The following CHRDL1 variants were observed in gnomAD, a reference collection of about 807,000 sequenced individuals.
CHRDL1 encodes the protein chordin like 1, also known as chordin-like protein 1.
A neutral mutation model predicts 40.9 loss-of-function variants in CHRDL1; 19 were observed. The observed-to-expected ratio is 0.46, with a 90% CI of 0.32 to 0.68. The LOEUF is 0.68. Among genes scored for constraint, CHRDL1 ranks in the 30% least tolerant of loss-of-function variants. The probability of loss-of-function intolerance (pLI) is 0.03; values close to 1 mark genes in which losing one functional copy is unlikely to be tolerated. For missense variants in CHRDL1, 329 were observed against 352.1 expected (o/e 0.93, Z 0.53); for synonymous variants, 136 against 123.4 (o/e 1.10, Z -0.68).
intron 7 of CHRDL1, among the ~76,000 whole-genome samples, chrX:110,697,695 G>A (rs1239153932): frequency 2.8e-5 from 3 of 108,220 alleles, no homozygotes; most frequent in Non-Finnish European, 5.7e-5. Context: ...AAATTTCAAC[G>A]TAATCTACAG....
intron 2 of CHRDL1, among the ~76,000 whole-genome samples, chrX:110,771,759 G>A (rs1009676311): frequency 1.8e-5 from 2 of 111,305 alleles, no homozygotes; most frequent in Admixed American, 9.6e-5. Context: ...CCTAAGATCA[G>A]GAATTATACA....
intron 6 of CHRDL1, among the ~76,000 whole-genome samples, chrX:110,714,091 G>A (rs1163312541): frequency 9.1e-6 from 1 of 110,258 alleles, no homozygotes. Context: ...ACCTATGAAA[G>A]TCTGTTACAT....
At chrX:110,685,804 C>A (rs895351276) in intron 9 of CHRDL1, among the ~76,000 whole-genome samples, 1 of 109,964 alleles carries the variant, frequency 9.1e-6, no homozygotes, top group Non-Finnish European at 1.9e-5. Flanking sequence ...AACAGCATTG[C>A]AGCAAAAATT....
At position 110,674,690 on chromosome X, in the gene CHRDL1, C is replaced by T. The variant is rs1364724722; in HGVS notation, c.*1541G>A. 1.8e-5 allele frequency: 2 copies of T among 112,189 alleles called. No individual in the cohort carries two copies. Among genetic ancestry groups the T allele is most frequent in the African/African-American group, 6.5e-5 (2 of 30,883 alleles). 9.2% of individuals were successfully genotyped at this position (112,189 alleles called of 1,213,427 possible). A position where few individuals can be genotyped will look rare whatever the true frequency, so the allele number is the denominator to read the frequency against. ...AAGACTGAACATTTTACATTTTCCCCTATTGGTATCAAACCCTCTTAGGAA... is the reference window on the plus strand; with the variant it reads ...AAGACTGAACATTTTACATTTTCCCTTATTGGTATCAAACCCTCTTAGGAA... On this transcript the variant is annotated 3_prime_UTR_variant, in exon 12 of 12. Transcript: ENST00000372042.
intron 4 of CHRDL1, among the ~76,000 whole-genome samples, chrX:110,725,463 T>A (rs191569396): frequency 9.0e-6 from 1 of 111,244 alleles, no homozygotes; most frequent in African/African-American, 3.3e-5. Context: ...GCCTTTTTTT[T>A]TTTGTCCTTC....
At chrX:110,766,023 T>C (rs2089654108) in intron 2 of CHRDL1, among the ~76,000 whole-genome samples, 1 of 111,458 alleles carries the variant, frequency 9.0e-6, no homozygotes. Flanking sequence ...GGAATAAAAC[T>C]GGAAATCAAC....
intron 2 of CHRDL1, among the ~76,000 whole-genome samples, chrX:110,765,261 C>T (rs1033113664): frequency 9.0e-6 from 1 of 111,657 alleles, no homozygotes; most frequent in Non-Finnish European, 1.9e-5. Context: ...GATTTCACCC[C>T]CAGCGGCCCA....
Position 110,703,969 on chromosome X carries a change from G to T in CHRDL1, c.542-3248C>A, listed in dbSNP as rs777163578. Among the ~76,000 whole-genome samples, 9 of 111,409 alleles carry T rather than the reference G, an allele frequency of 8.1e-5. 1 individual carries two copies. The South Asian group carries it at 3.4e-3, about 42-fold the overall frequency. On this transcript the variant is annotated intron_variant, in intron 6 of 11. Coordinates refer to ENST00000372042, the MANE Select transcript of CHRDL1 (RefSeq NM_001143981.2). The stretch of plus-strand genomic sequence containing the variant: ...GGTAATTGAACTTGTAGAGAGAAAG[G>T]GAGGAGAGGGAGAGCGAAGGAGGGA...
At chrX:110,678,325 C>G (rs914969128) in intron 11 of CHRDL1, among the ~76,000 whole-genome samples, 5 of 111,968 alleles carry the variant, frequency 4.5e-5, no homozygotes, top group Admixed American at 9.5e-5. Flanking sequence ...GCAGCAACTA[C>G]AGATGCTACT....
chrX:110,749,474 C>T (rs189886), intron 4 of CHRDL1, among the ~76,000 whole-genome samples: 163 of 111,880 alleles, frequency 1.5e-3, no homozygotes, highest in African/African-American at 5.1e-3. Context: ...GAGCATAACT[C>T]TAGAAAACAC....
intron 2 of CHRDL1, among the ~76,000 whole-genome samples, chrX:110,791,334 A>C (rs928589571): frequency 2.7e-5 from 3 of 111,759 alleles, no homozygotes; most frequent in Non-Finnish European, 5.6e-5. Flanking sequence ...TGGCCCAAAG[A>C]AGGTAAGACC....
At chrX:110,708,094 A>T (rs748044180) in intron 6 of CHRDL1, among the ~76,000 whole-genome samples, 4 of 111,449 alleles carry the variant, frequency 3.6e-5, no homozygotes, top group Admixed American at 9.5e-5. Context: ...CCACAATGAG[A>T]TACCATCTCA....
chrX:110,731,257 T>C (rs1051426592), intron 4 of CHRDL1, among the ~76,000 whole-genome samples: 28 of 111,681 alleles, frequency 2.5e-4, no homozygotes, highest in African/African-American at 5.5e-4. Context: ...AAAGGCGCTA[T>C]TGGGGGGAAT....
intron 7 of CHRDL1, among the ~76,000 whole-genome samples, chrX:110,697,214 C>A (rs1323087307): frequency 1.8e-5 from 2 of 110,501 alleles, no homozygotes; most frequent in African/African-American, 6.6e-5. Context: ...TAAAACAGTT[C>A]TTTTCCAGTG....
At position 110,675,338 on chromosome X, in the gene CHRDL1, G is replaced by A. The variant is rs2069750939; in HGVS notation, c.*893C>T. On this transcript the variant is annotated 3_prime_UTR_variant, in exon 12 of 12. Coordinates refer to ENST00000372042, the MANE Select transcript of CHRDL1 (RefSeq NM_001143981.2). ...CTTCAACAATTATTTTTTCTTACATGGATTCAGTTTCTGATGATTTTACTC... is the reference window on the plus strand; with the variant it reads ...CTTCAACAATTATTTTTTCTTACATAGATTCAGTTTCTGATGATTTTACTC... 9.0e-6 allele frequency: 1 copy of A among 111,073 alleles called. No homozygotes were observed. The highest frequency in any genetic ancestry group is 3.3e-5 in the African/African-American group (1 of 30,562). The allele number at this position is 111,073 out of a possible 1,213,427, so 9.2% of individuals were successfully genotyped here.
Position 110,783,190 on chromosome X carries a change from C to T in CHRDL1, c.94+8898G>A, listed in dbSNP as rs926641479. Among the ~76,000 whole-genome samples the T allele has an allele frequency of 3.6e-5, 4 of 111,914 alleles. No individual in the cohort carries two copies. The East Asian group carries it at 1.1e-3, about 31-fold the overall frequency. ...TTGTCCAGGCTGGAGTGCAATGGCA[C>T]AATCTTGACTCACTGCAACCTCTGC... On this transcript the variant is annotated intron_variant, in intron 2 of 11. Coordinates refer to ENST00000372042, the MANE Select transcript of CHRDL1 (RefSeq NM_001143981.2).
At chrX:110,758,017 C>T (rs1045954177) in intron 4 of CHRDL1, among the ~76,000 whole-genome samples, 1 of 107,719 alleles carries the variant, frequency 9.3e-6, no homozygotes, top group Admixed American at 1.0e-4. Context: ...GTTCCTATGA[C>T]ATTAGACCAC....
chrX:110,680,450 A>AG (rs779562791), intron 10 of CHRDL1, among the ~76,000 whole-genome samples: 206 of 111,941 alleles, frequency 1.8e-3, no homozygotes, highest in African/African-American at 6.5e-3. Context: ...CTAAAGGGAG[A>AG]GAAAAAAAGC....
At chrX:110,689,075 T>C (rs1430299220) in intron 8 of CHRDL1, among the ~76,000 whole-genome samples, 6 of 2,634 alleles carry the variant, frequency 2.3e-3, no homozygotes, top group African/African-American at 0.011. Context: ...TATATATGTA[T>C]ATATATATAT....
Sources: gnomAD v4.1 joint callset for allele counts (sites outside exome capture counted in the v4.1 genomes callset) on GRCh38, gnomAD v4.1.1 for gene constraint, MANE v1.5 for transcripts, NCBI Gene and HGNC (gene_info 2026-07-23, HGNC 2026-07-21) for gene names.